Variants in RBFOX1 observed in about 807,000 individuals in gnomAD.
RBFOX1 encodes RNA binding fox-1 homolog 1.
In RBFOX1, 8 loss-of-function variants were observed where a neutral mutation model predicts 57.7. The ratio of observed to expected loss-of-function variants is 0.14; its 90% CI spans 0.08 to 0.25. The LOEUF is 0.25. Among genes scored for constraint, RBFOX1 ranks in the 10% least tolerant of loss-of-function variants. RBFOX1 has a pLI of 1.00. For synonymous variants in RBFOX1, 326 were observed against 222.4 expected (o/e 1.47, Z -4.15); for missense variants, 611 against 548.5 (o/e 1.11, Z -1.14).
At chr16:6,354,596 C>G (rs1443716628) in intron 2 of RBFOX1, among the ~76,000 whole-genome samples, 1 of 152,168 alleles carries the variant, frequency 6.6e-6, no homozygotes, top group African/African-American at 2.4e-5. Flanking sequence ...GGCTCATTCC[C>G]CTTCTGTTTC....
chr16:7,314,719 T>G (rs138870976), intron 4 of RBFOX1, among the ~76,000 whole-genome samples: 30 of 152,296 alleles, frequency 2.0e-4, no homozygotes, highest in Non-Finnish European at 3.7e-4. Context: ...CGTCCTTCTA[T>G]ATCATCAAAA....
chr16:7,531,614 T>C (rs1014854812), intron 5 of RBFOX1, among the ~76,000 whole-genome samples: 7 of 152,182 alleles, frequency 4.6e-5, no homozygotes, highest in African/African-American at 7.2e-5. Flanking sequence ...GTGTATTTCA[T>C]TGACATAACT....
chr16:7,559,881 G>A (rs1601811406), intron 5 of RBFOX1, among the ~76,000 whole-genome samples: 1 of 152,346 alleles, frequency 6.6e-6, no homozygotes, highest in East Asian at 1.9e-4. Context: ...GAAGTAACAT[G>A]TCCAAGGTCA....
chr16:6,290,112 A>T (rs2077312378), intron 1 of RBFOX1, among the ~76,000 whole-genome samples: 1 of 151,802 alleles, frequency 6.6e-6, no homozygotes, highest in South Asian at 2.1e-4. Context: ...AGGGGTATGT[A>T]GCTTGGATCG....
intron 2 of RBFOX1, among the ~76,000 whole-genome samples, chr16:5,547,694 C>A (rs1173280229): frequency 6.6e-6 from 1 of 152,112 alleles, no homozygotes; most frequent in Admixed American, 6.5e-5. Context: ...TGCATGTACA[C>A]AATGGAATAC....
chr16:6,384,608 C>G (rs1219973662), intron 2 of RBFOX1, among the ~76,000 whole-genome samples: 1 of 152,186 alleles, frequency 6.6e-6, no homozygotes, highest in Non-Finnish European at 1.5e-5. Flanking sequence ...TGGAGGTCAT[C>G]TAATTCGTCT....
At chr16:6,918,324 C>T (rs2073712284) in intron 3 of RBFOX1, among the ~76,000 whole-genome samples, 1 of 151,616 alleles carries the variant, frequency 6.6e-6, no homozygotes, top group South Asian at 2.1e-4. Context: ...GACTCCACCC[C>T]AGGCCTACCG....
intron 2 of RBFOX1, among the ~76,000 whole-genome samples, chr16:5,582,547 C>CTTTT (rs57853959): frequency 4.3e-5 from 4 of 92,838 alleles, no homozygotes; most frequent in African/African-American, 1.6e-4. Flanking sequence ...AAGCACGTCA[C>CTTTT]TTTTTTTTTT....
intron 2 of RBFOX1, among the ~76,000 whole-genome samples, chr16:6,633,213 TG>T (rs1327699563): frequency 6.6e-6 from 1 of 152,114 alleles, no homozygotes; most frequent in African/African-American, 2.4e-5. Flanking sequence ...CTCACATCAG[TG>T]GCTTATAGAC....
chr16:7,026,115 C>T (rs1220738817), intron 3 of RBFOX1, among the ~76,000 whole-genome samples: 2 of 152,144 alleles, frequency 1.3e-5, no homozygotes, highest in African/African-American at 2.4e-5. Context: ...GGTCACAGGC[C>T]AGGGTGGAAA....
rs551375585 is a variant in RBFOX1, at chr16:6,906,150, T to G, written c.-15-145907T>G. On this transcript the variant is annotated intron_variant, in intron 3 of 15. Coordinates refer to ENST00000550418, the MANE Select transcript of RBFOX1 (RefSeq NM_018723.4). ...CCTCACTTAGGGCTGCAAACAGTGT[T>G]GATGTATTCAATAGCGCATTAGAGA... Among the ~76,000 whole-genome samples the G allele has an allele frequency of 8.5e-5, 13 of 152,218 alleles. No individual in the cohort carries two copies. The East Asian group carries it at 2.5e-3, about 29-fold the overall frequency.
At chr16:7,299,419 A>G (rs920137208) in intron 4 of RBFOX1, among the ~76,000 whole-genome samples, 1 of 152,234 alleles carries the variant, frequency 6.6e-6, no homozygotes, top group East Asian at 1.9e-4. Flanking sequence ...CTCACTGACA[A>G]CCCACACCCA....
chr16:7,061,517 T>C (rs944678831), intron 4 of RBFOX1, among the ~76,000 whole-genome samples: 1 of 152,196 alleles, frequency 6.6e-6, no homozygotes, highest in Non-Finnish European at 1.5e-5. Context: ...ACATATATGT[T>C]AATTAATTCT....
intron 4 of RBFOX1, among the ~76,000 whole-genome samples, chr16:7,055,901 C>T (rs1181030512): frequency 6.6e-6 from 1 of 151,944 alleles, no homozygotes; most frequent in Admixed American, 6.5e-5. Flanking sequence ...TGTGTGGGCT[C>T]AGCAACTTTG....
chr16:5,548,371 T>C (rs1337568664), intron 2 of RBFOX1, among the ~76,000 whole-genome samples: 1 of 151,068 alleles, frequency 6.6e-6, no homozygotes, highest in African/African-American at 2.4e-5. Context: ...ACTCCCTGAA[T>C]CTAAAATAAA....
intron 1 of RBFOX1, among the ~76,000 whole-genome samples, chr16:6,229,874 T>C (rs1301028493): frequency 6.6e-6 from 1 of 152,166 alleles, no homozygotes; most frequent in Non-Finnish European, 1.5e-5. Context: ...GAATGTGGCA[T>C]GTAGCATATC....
At chr16:6,446,452 A>C (rs2094487552) in intron 2 of RBFOX1, among the ~76,000 whole-genome samples, 1 of 152,208 alleles carries the variant, frequency 6.6e-6, no homozygotes, top group Non-Finnish European at 1.5e-5. Flanking sequence ...AAAATTTCTC[A>C]TGTAAGGGAC....
intron 3 of RBFOX1, among the ~76,000 whole-genome samples, chr16:5,610,012 C>G (rs935374546): frequency 6.6e-6 from 1 of 152,172 alleles, no homozygotes; most frequent in Non-Finnish European, 1.5e-5. Flanking sequence ...GCTTAGCACC[C>G]TTCTTCTTTT....
At chr16:6,883,876 G>A (rs1384349571) in intron 3 of RBFOX1, among the ~76,000 whole-genome samples, 1 of 151,382 alleles carries the variant, frequency 6.6e-6, no homozygotes, top group African/African-American at 2.4e-5. Flanking sequence ...AATGTTAAAT[G>A]TTTTTAATAA....
Sources: gnomAD v4.1 joint callset for allele counts (sites outside exome capture counted in the v4.1 genomes callset) on GRCh38, gnomAD v4.1.1 for gene constraint, MANE v1.5 for transcripts, NCBI Gene and HGNC (gene_info 2026-07-23, HGNC 2026-07-21) for gene names.